Variants in ALG14 observed in about 807,000 individuals in gnomAD.
ALG14 encodes the protein ALG14 UDP-N-acetylglucosaminyltransferase subunit.
ALG14 carries 17 observed loss-of-function variants against 22.8 expected under a neutral mutation model. The observed-to-expected ratio is 0.75, with a 90% CI of 0.51 to 1.12. The LOEUF is 1.12. Among genes scored for constraint, ALG14 ranks in the 50% most tolerant of loss-of-function variants. ALG14 has a pLI of 0.00. For missense variants in ALG14, 288 were observed against 271.8 expected, an observed-to-expected ratio of 1.06 and a Z score of -0.42; for synonymous variants, 89 against 103.7, an observed-to-expected ratio of 0.86 and a Z score of 0.86.
At chr1:95,011,344 G>A (rs1673355122) in intron 3 of ALG14, among the ~76,000 whole-genome samples, 1 of 152,072 alleles carries the variant, frequency 6.6e-6, no homozygotes, top group Non-Finnish European at 1.5e-5. Flanking sequence ...ACCAGAGAGT[G>A]GACTCTCACC....
chr1:95,066,013 C>T (rs1233365299), intron 1 of ALG14, among the ~76,000 whole-genome samples: 6 of 152,140 alleles, frequency 3.9e-5, no homozygotes, highest in Non-Finnish European at 8.8e-5. Flanking sequence ...GTTTCACAAG[C>T]TCTCTGCCTC....
rs1673850906 is a variant in ALG14, at chr1:95,027,247, T to C, written c.302A>G (p.Tyr101Cys). The C allele has an allele frequency of 6.2e-7, 1 of 1,614,016 alleles. No homozygotes were observed. Residue 101 changes from tyrosine to cysteine, a missense_variant, in exon 3 of 4, where the codon TAC (tyrosine) becomes TGC (cysteine). Transcript: ENST00000370205. ...CCGGCTTCTTGGAATTCGGTGAATG[T>C]AGTATTTGGTATACTAGAAGGAAAC... is the stretch of plus-strand genomic sequence containing the variant. The part of the protein sequence containing the change: ...RDPSNMYTKY[Y>C]IHRIPRSREV...
intron 3 of ALG14, among the ~76,000 whole-genome samples, chr1:95,026,462 A>ATATG (rs1491216643): frequency 7.0e-6 from 1 of 142,250 alleles, no homozygotes; most frequent in Non-Finnish European, 1.5e-5. Context: ...AGCCCAAGGA[A>ATATG]TGTGTGTGTG....
At chr1:95,018,276 C>T (rs1164353427) in intron 3 of ALG14, among the ~76,000 whole-genome samples, 1 of 152,068 alleles carries the variant, frequency 6.6e-6, no homozygotes, top group Non-Finnish European at 1.5e-5. Flanking sequence ...TGGTTCAGGT[C>T]TGTAATCCCA....
At chr1:94,991,967 T>G (rs977964720) in intron 3 of ALG14, among the ~76,000 whole-genome samples, 1 of 152,072 alleles carries the variant, frequency 6.6e-6, no homozygotes, top group Non-Finnish European at 1.5e-5. Flanking sequence ...CCTCCACATC[T>G]TGTCCCACTG....
At chr1:95,063,025 T>C (rs111650147) in intron 2 of ALG14, among the ~76,000 whole-genome samples, 3,963 of 152,346 alleles carry the variant, frequency 0.026, 60 homozygotes, top group Non-Finnish European at 0.04. Flanking sequence ...CATTGTGGTT[T>C]TGATTTGCGT....
intron 2 of ALG14, among the ~76,000 whole-genome samples, chr1:95,043,400 T>C (rs1331366133): frequency 6.6e-6 from 1 of 152,154 alleles, no homozygotes; most frequent in African/African-American, 2.4e-5. Flanking sequence ...GCTGCTAACA[T>C]CCTGTAACAC....
chr1:95,027,375 C>T, intron 2 of ALG14, 115 bp from the exon 3 acceptor site: 1 of 1,267,698 alleles, frequency 7.9e-7, no homozygotes, highest in African/African-American at 1.5e-5. Context: ...AATTTTCATT[C>T]TAACCACTTT....
chr1:95,048,576 A>G, intron 2 of ALG14, among the ~76,000 whole-genome samples: 1 of 152,086 alleles, frequency 6.6e-6, no homozygotes, highest in East Asian at 1.9e-4. Context: ...AACATGGCCT[A>G]TTGCTCTCCA....
chr1:95,027,058 AG>A, intron 3 of ALG14, 70 bp downstream of exon 3: 1 of 1,558,394 alleles, frequency 6.4e-7, no homozygotes, highest in Non-Finnish European at 8.8e-7. Context: ...TTAAGAAAAC[AG>A]TATGTCCTGT....
intron 2 of ALG14, among the ~76,000 whole-genome samples, chr1:95,057,042 C>T (rs1313084956): frequency 1.6e-5 from 2 of 127,378 alleles, no homozygotes; most frequent in African/African-American, 3.0e-5. Context: ...GGCAACAGAG[C>T]GAGATTCTGG....
In ALG14 at chr1:95,064,925, T is replaced by C; in HGVS notation, c.229A>G (p.Ser77Gly). ...TCAAAAGAATTTATTTTATTGGCAC[T>C]CATTTCATCAGTGTCAGCAATGACA... The part of the protein sequence containing the change: ...HYVIADTDEM[S>G]ANKINSFELD... The change falls in exon 2 of 4, where the codon AGT (serine) becomes GGT (glycine). Residue 77 changes from serine to glycine, a missense_variant. Coordinates refer to ENST00000370205, the MANE Select transcript of ALG14 (RefSeq NM_144988.4). The C allele has an allele frequency of 6.2e-7, 1 of 1,614,070 alleles. No individual in the cohort carries two copies. The highest frequency in any genetic ancestry group is 2.2e-5 in the East Asian group (1 of 44,886).
chr1:95,033,608 A>C (rs183990406), intron 2 of ALG14, among the ~76,000 whole-genome samples: 86 of 152,164 alleles, frequency 5.7e-4, no homozygotes, highest in African/African-American at 2.1e-3. Context: ...TCAACAAATC[A>C]ACAGTAAAAT....
rs1264808059 is a variant in ALG14 at position 94,981,568 on chromosome 1, A to G, written c.*1508T>C. 5 of 151,002 alleles carry G rather than the reference A, an allele frequency of 3.3e-5. No individual in the cohort carries two copies. Among genetic ancestry groups the G allele is most frequent in the African/African-American group, 1.2e-4 (5 of 41,156 alleles). The allele number at this position is 151,002 out of a possible 1,614,324, so 9.4% of individuals were successfully genotyped here. A position where few individuals can be genotyped will look rare whatever the true frequency, so the allele number is the denominator to read the frequency against. On this transcript the variant is annotated 3_prime_UTR_variant, in exon 4 of 4. Transcript: ENST00000370205. ...CTTTTCACAAAAATTCAATCACTTC[A>G]CTAATCACTATTTATTAGATTTATA...
At chr1:94,999,828 A>C (rs1673011767) in intron 3 of ALG14, among the ~76,000 whole-genome samples, 1 of 152,172 alleles carries the variant, frequency 6.6e-6, no homozygotes, top group Non-Finnish European at 1.5e-5. Flanking sequence ...TTTCTCGCCC[A>C]AATCCTGCTA....
chr1:95,005,894 C>T (rs1259262841), intron 3 of ALG14, among the ~76,000 whole-genome samples: 1 of 152,166 alleles, frequency 6.6e-6, no homozygotes, highest in Non-Finnish European at 1.5e-5. Flanking sequence ...TCCCATTGGA[C>T]ATCTACGTAG....
chr1:95,007,351 C>T (rs1673246164), intron 3 of ALG14, among the ~76,000 whole-genome samples: 1 of 152,200 alleles, frequency 6.6e-6, no homozygotes, highest in Non-Finnish European at 1.5e-5. Flanking sequence ...ACATTTTTCC[C>T]TTAACAGACT....
At chr1:95,006,898 T>C (rs1673235010) in intron 3 of ALG14, among the ~76,000 whole-genome samples, 1 of 152,264 alleles carries the variant, frequency 6.6e-6, no homozygotes, top group Non-Finnish European at 1.5e-5. Context: ...CGGTTTCATA[T>C]TTCCTCACCA....
intron 2 of ALG14, among the ~76,000 whole-genome samples, chr1:95,044,487 G>T: frequency 6.6e-6 from 1 of 152,108 alleles, no homozygotes; most frequent in Non-Finnish European, 1.5e-5. Flanking sequence ...CAGGGACCAG[G>T]ATTACCTGCT....
Sources: gnomAD v4.1 joint callset for allele counts (sites outside exome capture counted in the v4.1 genomes callset) on GRCh38, gnomAD v4.1.1 for gene constraint, MANE v1.5 for transcripts, NCBI Gene and HGNC (gene_info 2026-07-23, HGNC 2026-07-21) for gene names.